Variants in LNX1 observed in about 807,000 individuals in gnomAD.
The protein encoded by LNX1 is ligand of numb-protein X 1.
A neutral mutation model predicts 68.4 loss-of-function variants in LNX1; 54 were observed. That is an observed-to-expected ratio of 0.79 (90% CI 0.63 to 0.99). The LOEUF is 0.99. Ranked by LOEUF, LNX1 falls within the 50% of genes least tolerant of loss-of-function variation. The pLI is 0.00. For missense variants in LNX1, 906 were observed against 926.4 expected, an observed-to-expected ratio of 0.98 and a Z score of 0.29; for synonymous variants, 336 against 350.0, an observed-to-expected ratio of 0.96 and a Z score of 0.45.
Position 53,460,063 on chromosome 4 carries a change from TA to T in LNX1, c.*843del, listed in dbSNP as rs1553927486. 5.0e-6 allele frequency: 1 copy of T among 201,050 alleles called. No individual in the cohort carries two copies. The highest frequency in any genetic ancestry group is 1.0e-5 in the Non-Finnish European group (1 of 97,622). The allele number at this position is 201,050 out of a possible 1,614,324, so 12.5% of individuals were successfully genotyped here. On this transcript the variant is annotated 3_prime_UTR_variant, in exon 11 of 11. Transcript: ENST00000263925. ...GGTGGCCTCTATGAAATAAATTAAT[TA>T]ATTACCCATAGTGTAGTTTCTAGGA...
chr4:53,577,368 T>C (rs1039805633), intron 1 of LNX1, among the ~76,000 whole-genome samples: 1 of 152,238 alleles, frequency 6.6e-6, no homozygotes, highest in Non-Finnish European at 1.5e-5. Context: ...TGTAGGGGAA[T>C]ATAAATTCAG....
chr4:53,557,197 T>C (rs914712768), intron 2 of LNX1, among the ~76,000 whole-genome samples: 1 of 152,230 alleles, frequency 6.6e-6, no homozygotes, highest in Non-Finnish European at 1.5e-5. Context: ...TTGTCTTTAT[T>C]TTTCAGAGAT....
chr4:53,621,201 T>G (rs1170148218), upstream of LNX1, among the ~76,000 whole-genome samples: 1 of 152,136 alleles, frequency 6.6e-6, no homozygotes, highest in Non-Finnish European at 1.5e-5. Context: ...GTATGCATAT[T>G]CAAGTTTCAG....
chr4:53,571,423 A>G (rs1731159866), intron 2 of LNX1, among the ~76,000 whole-genome samples: 2 of 152,230 alleles, frequency 1.3e-5, no homozygotes, highest in Admixed American at 1.3e-4. Flanking sequence ...TCAGAGTCAC[A>G]GAAGGAGATG....
intron 2 of LNX1, among the ~76,000 whole-genome samples, chr4:53,545,528 A>T (rs1209098452): frequency 1.3e-5 from 2 of 152,206 alleles, no homozygotes; most frequent in Non-Finnish European, 2.9e-5. Context: ...CTCATCAGTG[A>T]GATGGGGAGC....
At chr4:53,568,402 A>AT (rs1335843639) in intron 2 of LNX1, among the ~76,000 whole-genome samples, 1 of 152,040 alleles carries the variant, frequency 6.6e-6, no homozygotes, top group Non-Finnish European at 1.5e-5. Context: ...AAACCACATG[A>AT]TTATCTCAAT....
chr4:53,651,442 A>T (rs1162477232), intron 1 of LNX1, among the ~76,000 whole-genome samples: 2 of 152,228 alleles, frequency 1.3e-5, no homozygotes, highest in Non-Finnish European at 2.9e-5. Flanking sequence ...AGTAAACAGG[A>T]ATACATGACA....
chr4:53,545,801 CATT>C (rs1309716095), intron 2 of LNX1, among the ~76,000 whole-genome samples: 12 of 116,818 alleles, frequency 1.0e-4, no homozygotes, highest in African/African-American at 3.5e-4. Context: ...TCAGAGGCCA[CATT>C]TTTTTTTTTT....
Position 53,507,381 on chromosome 4 carries a change from C to G in LNX1, c.711G>C (p.Gly237=). The change falls in exon 4 of 11, where the codon GGG becomes GGC. Residue 237 remains glycine (G), a synonymous_variant. Transcript: ENST00000263925. ...GGTCGGCATGGTTGGCAACTGCACT[C>G]CCGCTCTTTGTCCTTCGAAGAACAC... The part of the protein sequence containing the change: ...ALSVLRRTKS[G]SAVANHADQG... The G allele has an allele frequency of 6.2e-7, 1 of 1,614,130 alleles. No individual in the cohort carries two copies. Among genetic ancestry groups the G allele is most frequent in the East Asian group, 2.2e-5 (1 of 44,876 alleles).
At position 53,579,379 on chromosome 4, in the gene LNX1, T is replaced by A. The variant is rs966459733; in HGVS notation, c.-86-5291A>T. ...AAACCAGAGGTGATTTTTAGAGATA[T>A]ATGGAGCCAAAACCCCCAATCTAGT... On this transcript the variant is annotated intron_variant, in intron 1 of 10. Transcript: ENST00000263925. The A allele has an allele frequency of 6.8e-5, 38 of 558,890 alleles. No individual in the cohort carries two copies. The African/African-American group carries it at 7.4e-4, about 11-fold the overall frequency. The allele number at this position is 558,890 out of a possible 1,614,324, so 34.6% of individuals were successfully genotyped here. A position where few individuals can be genotyped will look rare whatever the true frequency, so the allele number is the denominator to read the frequency against.
chr4:53,535,081 T>C (rs566276622), intron 2 of LNX1, among the ~76,000 whole-genome samples: 4 of 149,926 alleles, frequency 2.7e-5, no homozygotes, highest in Non-Finnish European at 4.5e-5. Context: ...CTCCTTGCTA[T>C]AAGGAAAGAG....
At chr4:53,473,611 A>G (rs1223075524) in intron 9 of LNX1, among the ~76,000 whole-genome samples, 1 of 152,176 alleles carries the variant, frequency 6.6e-6, no homozygotes, top group East Asian at 1.9e-4. Context: ...ATGAGAACTC[A>G]TGGACACAAT....
At chr4:53,589,565 T>A (rs1237411754) in intron 1 of LNX1, among the ~76,000 whole-genome samples, 2 of 152,218 alleles carry the variant, frequency 1.3e-5, no homozygotes, top group African/African-American at 4.8e-5. Flanking sequence ...TGCTAACATA[T>A]ATTAGCTACC....
chr4:53,631,937 A>G (rs545882268), intron 1 of LNX1, among the ~76,000 whole-genome samples: 2 of 152,248 alleles, frequency 1.3e-5, no homozygotes, highest in South Asian at 4.1e-4. Flanking sequence ...AATTTTAAGT[A>G]AAATCTGCTG....
chr4:53,615,312 A>G (rs192605758), intron 2 of LNX1, among the ~76,000 whole-genome samples: 2 of 152,236 alleles, frequency 1.3e-5, no homozygotes, highest in Admixed American at 1.3e-4. Flanking sequence ...TCCCAACAGG[A>G]GGCAGGGAGT....
chr4:53,621,095 C>T (rs764498362), upstream of LNX1, among the ~76,000 whole-genome samples: 12 of 152,274 alleles, frequency 7.9e-5, no homozygotes, highest in East Asian at 1.9e-4. Flanking sequence ...GCACAGGGCA[C>T]GGTGACATCA....
intron 2 of LNX1, among the ~76,000 whole-genome samples, chr4:53,563,887 C>T (rs1044488466): frequency 1.3e-5 from 2 of 152,222 alleles, no homozygotes; most frequent in African/African-American, 2.4e-5. Flanking sequence ...GGGTGGGAGG[C>T]GAAGGAATGT....
intron 1 of LNX1, among the ~76,000 whole-genome samples, chr4:53,585,124 G>A (rs1293511261): frequency 5.3e-5 from 8 of 152,154 alleles, no homozygotes; most frequent in Admixed American, 3.9e-4. Flanking sequence ...GAGGACTCAG[G>A]ATTCAGTGGA....
At chr4:53,521,358 C>G (rs1727202509) in intron 2 of LNX1, among the ~76,000 whole-genome samples, 1 of 152,166 alleles carries the variant, frequency 6.6e-6, no homozygotes, top group Admixed American at 6.5e-5. Flanking sequence ...AACATTTCCT[C>G]CGTTCCTCAA....
Sources: gnomAD v4.1 joint callset for allele counts (sites outside exome capture counted in the v4.1 genomes callset) on GRCh38, gnomAD v4.1.1 for gene constraint, MANE v1.5 for transcripts, NCBI Gene and HGNC (gene_info 2026-07-23, HGNC 2026-07-21) for gene names.